KCNQ5: variants seen among roughly 807,000 people sequenced by gnomAD.
The protein encoded by KCNQ5 is potassium voltage-gated channel subfamily Q member 5, also known as potassium voltage-gated channel subfamily KQT member 5.
In KCNQ5, 30 loss-of-function variants were observed where a neutral mutation model predicts 98.2. The observed-to-expected ratio is 0.31, with a 90% confidence interval of 0.23 to 0.41. The LOEUF (loss-of-function observed/expected upper bound fraction) is 0.41. Among genes scored for constraint, KCNQ5 ranks in the 10% least tolerant of loss-of-function variants. The pLI is 1.00. For missense variants in KCNQ5, 835 were observed against 1,182.5 expected, an observed-to-expected ratio of 0.71 and a Z score of 4.31; for synonymous variants, 458 against 449.4, an observed-to-expected ratio of 1.02 and a Z score of -0.24.
Position 72,937,968 on chromosome 6 carries a change from G to C in KCNQ5, c.399-65940G>C, listed in dbSNP as rs1045807452. On this transcript the variant is annotated intron_variant, in intron 1 of 13. Transcript: ENST00000370398. ...TATAACTTACAATTGGGAAATGTGA[G>C]CATATCACTCACTCTTTCTAAGTCT... Among the ~76,000 whole-genome samples the C allele has an allele frequency of 2.0e-5, 3 of 152,224 alleles. No individual in the cohort carries two copies. The East Asian group carries it at 5.8e-4, about 29-fold the overall frequency.
intron 2 of KCNQ5, among the ~76,000 whole-genome samples, chr6:73,025,596 C>T (rs1267178822): frequency 7.6e-6 from 1 of 131,936 alleles, no homozygotes; most frequent in Non-Finnish European, 1.6e-5. Flanking sequence ...GTACTCCAGC[C>T]TGGGCGACAA....
In KCNQ5 at chr6:73,197,639, ACACC is replaced by A. The variant is rs918616291; in HGVS notation, c.*2227_*2230del. ...CACACACACACACACACACACACAC[ACACC>A]CCTCCACTGACCTAAAGCCAGACAC... On this transcript the variant is annotated 3_prime_UTR_variant, in exon 14 of 14. Transcript: ENST00000370398. The A allele has an allele frequency of 2.0e-5, 2 of 100,512 alleles. No homozygotes were observed. The highest frequency in any genetic ancestry group is 1.0e-4 in the Admixed American group (1 of 9,968). The allele number at this position is 100,512 out of a possible 1,614,324, so 6.2% of individuals were successfully genotyped here.
At chr6:72,713,399 A>G (rs1769474382) in intron 1 of KCNQ5, among the ~76,000 whole-genome samples, 2 of 152,194 alleles carry the variant, frequency 1.3e-5, no homozygotes, top group African/African-American at 4.8e-5. Context: ...CTGAGTTACA[A>G]AAATTTTCTA....
chr6:72,688,045 G>A (rs1291929481), intron 1 of KCNQ5, among the ~76,000 whole-genome samples: 1 of 151,918 alleles, frequency 6.6e-6, no homozygotes, highest in Non-Finnish European at 1.5e-5. Context: ...CACCATATTG[G>A]CCAGGGTGGT....
At chr6:72,923,554 C>T (rs1433952655) in intron 1 of KCNQ5, among the ~76,000 whole-genome samples, 2 of 151,974 alleles carry the variant, frequency 1.3e-5, no homozygotes, top group African/African-American at 2.4e-5. Flanking sequence ...TTTTTTTAAT[C>T]CTTTGCCCAT....
intron 2 of KCNQ5, 63 bp downstream of exon 2, chr6:73,004,061 A>C: frequency 1.1e-6 from 1 of 878,012 alleles, no homozygotes. Context: ...TAACATTTAT[A>C]CTATGCATCT....
chr6:73,022,781 G>A (rs1770663978), intron 2 of KCNQ5, among the ~76,000 whole-genome samples: 1 of 152,178 alleles, frequency 6.6e-6, no homozygotes, highest in South Asian at 2.1e-4. Context: ...GCAATTGAAG[G>A]AAGCTTCCAT....
chr6:72,772,396 C>T (rs1281144283), intron 1 of KCNQ5, among the ~76,000 whole-genome samples: 3 of 152,002 alleles, frequency 2.0e-5, no homozygotes, highest in Non-Finnish European at 2.9e-5. Flanking sequence ...GAGTGGACAG[C>T]AGGTTATAAT....
intron 1 of KCNQ5, among the ~76,000 whole-genome samples, chr6:72,937,252 G>A (rs1765982711): frequency 6.6e-6 from 1 of 152,106 alleles, no homozygotes; most frequent in Non-Finnish European, 1.5e-5. Context: ...AGCAGGACTT[G>A]CTCCTGTGTG....
At chr6:72,846,032 A>T (rs529260201) in intron 1 of KCNQ5, among the ~76,000 whole-genome samples, 1 of 152,160 alleles carries the variant, frequency 6.6e-6, no homozygotes, top group Non-Finnish European at 1.5e-5. Flanking sequence ...AAAGTGTCAT[A>T]AATTGGGTTT....
At chr6:73,094,962 C>T (rs1052896467) in intron 5 of KCNQ5, among the ~76,000 whole-genome samples, 3 of 152,120 alleles carry the variant, frequency 2.0e-5, no homozygotes, top group Admixed American at 1.3e-4. Context: ...ATTTGGATGT[C>T]TAGGTCTCTA....
intron 1 of KCNQ5, among the ~76,000 whole-genome samples, chr6:72,673,732 T>C (rs745330655): frequency 1.3e-5 from 2 of 152,222 alleles, no homozygotes; most frequent in Non-Finnish European, 2.9e-5. Flanking sequence ...TTATCCTTTA[T>C]CCTCTGCTTT....
At chr6:73,170,420 C>CCA (rs57867720) in intron 11 of KCNQ5, among the ~76,000 whole-genome samples, 1,720 of 140,900 alleles carry the variant, frequency 0.012, 16 homozygotes, top group South Asian at 0.019. Context: ...ACCTTTCCCA[C>CCA]CACACACACA....
At chr6:73,105,208 C>A in intron 5 of KCNQ5, 49 bp from the exon 6 acceptor site, 1 of 1,093,120 alleles carries the variant, frequency 9.1e-7, no homozygotes, top group Non-Finnish European at 1.4e-6. Context: ...TAGGTCCTAA[C>A]TTTCCTCTCA....
intron 1 of KCNQ5, among the ~76,000 whole-genome samples, chr6:72,802,489 C>T (rs1224111682): frequency 6.6e-6 from 1 of 152,134 alleles, no homozygotes; most frequent in Non-Finnish European, 1.5e-5. Flanking sequence ...ACTTAATCTG[C>T]AGATAAAGTT....
At chr6:72,998,514 T>A (rs1769409530) in intron 1 of KCNQ5, among the ~76,000 whole-genome samples, 1 of 152,098 alleles carries the variant, frequency 6.6e-6, no homozygotes, top group Non-Finnish European at 1.5e-5. Flanking sequence ...TGCGGGCGGA[T>A]TATGAGGTCA....
intron 3 of KCNQ5, among the ~76,000 whole-genome samples, chr6:73,058,397 C>T (rs1382844095): frequency 6.6e-6 from 1 of 151,940 alleles, no homozygotes; most frequent in Non-Finnish European, 1.5e-5. Context: ...TGGGCGACAG[C>T]GAGACTCCGT....
intron 1 of KCNQ5, among the ~76,000 whole-genome samples, chr6:72,981,512 T>TA (rs141539726): frequency 1 from 151,619 of 152,208 alleles, 75,520 homozygotes; most frequent in Middle Eastern, 1. Flanking sequence ...ATATCCCCTT[T>TA]TCATTTTTTA....
intron 11 of KCNQ5, among the ~76,000 whole-genome samples, chr6:73,181,686 A>G (rs747745046): frequency 1.3e-5 from 2 of 152,188 alleles, no homozygotes; most frequent in Non-Finnish European, 2.9e-5. Context: ...TGTCTTTTTC[A>G]TTGTTGTTAT....
Sources: allele counts gnomAD v4.1 joint callset (sites outside exome capture counted in the v4.1 genomes callset), GRCh38; gene constraint gnomAD v4.1.1; transcripts MANE v1.5; gene names NCBI Gene and HGNC (gene_info 2026-07-23, HGNC 2026-07-21).